SVIL: variants seen among roughly 807,000 people sequenced by gnomAD.
SVIL encodes archvillin.
Under a neutral mutation model 240.4 loss-of-function variants are expected in SVIL, and 101 were observed. That is an observed-to-expected ratio of 0.42 (90% CI 0.36 to 0.50). The LOEUF is 0.50. Ranked by LOEUF, SVIL falls within the 20% of genes least tolerant of loss-of-function variation. SVIL has a pLI of 0.01. For synonymous variants in SVIL, 999 were observed against 1,100.0 expected (o/e 0.91, Z 1.82); for missense variants, 2,512 against 2,818.7 (o/e 0.89, Z 2.46).
intron 1 of SVIL, among the ~76,000 whole-genome samples, chr10:29,721,847 A>C (rs1345817815): frequency 6.6e-6 from 1 of 152,224 alleles, no homozygotes; most frequent in Non-Finnish European, 1.5e-5. Context: ...TTTTATTTTG[A>C]CATCTTACTG....
chr10:29,458,137 C>T lies in SVIL; in HGVS notation c.*110G>A. On this transcript the variant is annotated 3_prime_UTR_variant, in exon 38 of 38. Transcript: ENST00000355867. ...TTAACAATGTCAGGTTCTGAAAACT[C>T]TGATTGAAAAATACTTTGTGAAAAA... 2 of 1,079,776 alleles carry T rather than the reference C, an allele frequency of 1.9e-6. No individual in the cohort carries two copies. Among genetic ancestry groups the T allele is most frequent in the Non-Finnish European group, 1.3e-6 (1 of 741,522 alleles). The allele number at this position is 1,079,776 out of a possible 1,614,324, so 66.9% of individuals were successfully genotyped here.
chr10:29,569,765 C>A (rs1010540309), intron 1 of SVIL, among the ~76,000 whole-genome samples: 15 of 152,260 alleles, frequency 9.9e-5, no homozygotes, highest in African/African-American at 3.1e-4. Context: ...GTCTGAAGAG[C>A]AAAGGACAAC....
chr10:29,463,507 GCA>G lies in SVIL; in HGVS notation c.6260_6261del (p.Val2087AlafsTer43). On this transcript the variant is annotated frameshift_variant, in exon 35 of 38. Transcript: ENST00000355867. LOFTEE classifies it high-confidence loss of function. ...GGAGCCTCACCTTTGCAGTACTGGAGCACAGTCTCCATCGCACTCTTCCGGTC... is the reference window on the plus strand; with the variant it reads ...GGAGCCTCACCTTTGCAGTACTGGAGCAGTCTCCATCGCACTCTTCCGGTC... Reference protein sequence around the residue: ...ASDRKSAMETVLQYCKGKNLK... With the variant: ...ASDRKSAMETXLQYCKGKNLK... 1.2e-6 allele frequency: 2 copies of G among 1,614,076 alleles called. No individual in the cohort carries two copies. The highest frequency in any genetic ancestry group is 1.7e-6 in the Non-Finnish European group (2 of 1,179,992).
At chr10:29,481,193 G>GT (rs201842986) in intron 28 of SVIL, among the ~76,000 whole-genome samples, 9,016 of 142,846 alleles carry the variant, frequency 0.063, 332 homozygotes, top group South Asian at 0.11. Flanking sequence ...TGTGTCCATG[G>GT]TTTTTTTTTT....
intron 1 of SVIL, among the ~76,000 whole-genome samples, chr10:29,592,771 A>T (rs532249747): frequency 6.6e-6 from 1 of 152,342 alleles, no homozygotes; most frequent in Non-Finnish European, 1.5e-5. Context: ...TGTGTGACTA[A>T]AATTACACTG....
At position 29,727,987 on chromosome 10, in the gene SVIL, C is replaced by T. The variant is rs185033961; in HGVS notation, c.-400+7764G>A. On this transcript the variant is annotated intron_variant, in intron 1 of 35. Transcript: ENST00000375400. ...AGCTTTGGGGGAAAAGTAAAGATTC[C>T]TTAATCAAGTCAATCTGTCAAGGAT... Among the ~76,000 whole-genome samples, 24 of 152,246 alleles carry T rather than the reference C, an allele frequency of 1.6e-4. 1 individual carries two copies. Among genetic ancestry groups the T allele is most frequent in the Middle Eastern group, 3.4e-3 (1 of 294 alleles).
chr10:29,689,458 G>A (rs138456750), intron 1 of SVIL, among the ~76,000 whole-genome samples: 38 of 152,282 alleles, frequency 2.5e-4, no homozygotes, highest in African/African-American at 9.1e-4. Flanking sequence ...CTAACTTTTT[G>A]TATTTTTAGT....
chr10:29,681,122 T>C (rs1960610057), intron 2 of SVIL, among the ~76,000 whole-genome samples: 1 of 151,960 alleles, frequency 6.6e-6, no homozygotes. Flanking sequence ...AGGGGTTGCA[T>C]TTGTAATTGG....
At chr10:29,662,408 C>A (rs1959170105) in intron 2 of SVIL, among the ~76,000 whole-genome samples, 1 of 152,122 alleles carries the variant, frequency 6.6e-6, no homozygotes, top group Admixed American at 6.5e-5. Context: ...ATAATAATAC[C>A]AATAAGCATA....
At position 29,533,363 on chromosome 10, in the gene SVIL, G is replaced by A. The variant is rs754274252; in HGVS notation, c.1004C>T (p.Ala335Val). Reference sequence around the variant, plus strand: ...CTGAAATGACACGTAATGGACTGGCGCTGGCTGGTGTCTCCTCTGAGTTAC... The same window carrying A: ...CTGAAATGACACGTAATGGACTGGCACTGGCTGGTGTCTCCTCTGAGTTAC... ...ESVTQRRHQPAPVHYVSFQSE... is the reference protein window; with the variant it reads ...ESVTQRRHQPVPVHYVSFQSE... The change falls in exon 8 of 38, where the codon GCG becomes GTG. Residue 335 changes from alanine to valine, a missense_variant. Physicochemically the swap from Ala to Val is moderately conservative, Grantham distance 64. Around this residue, in one of 3 missense-constraint regions of SVIL, gnomAD observed 1,443 missense variants for 1,486.6 expected, o/e 0.97. Transcript: ENST00000355867. 1.7e-5 allele frequency: 28 copies of A among 1,614,148 alleles called. 1 individual carries two copies. The highest frequency in any genetic ancestry group is 3.3e-4 in the Middle Eastern group (2 of 6,062).
At chr10:29,470,852 T>A (rs1165610818) in intron 31 of SVIL, among the ~76,000 whole-genome samples, 1 of 152,180 alleles carries the variant, frequency 6.6e-6, no homozygotes, top group Non-Finnish European at 1.5e-5. Flanking sequence ...TCATAATTTA[T>A]CATAGAAGAG....
At chr10:29,514,926 G>A (rs540477422) in intron 16 of SVIL, among the ~76,000 whole-genome samples, 2 of 152,246 alleles carry the variant, frequency 1.3e-5, no homozygotes, top group South Asian at 2.1e-4. Context: ...ACAAGAATCC[G>A]GCGACATCTA....
At chr10:29,645,271 G>GA (rs963165750) in intron 3 of SVIL, among the ~76,000 whole-genome samples, 2 of 151,904 alleles carry the variant, frequency 1.3e-5, no homozygotes, top group African/African-American at 4.8e-5. Flanking sequence ...CAATGAGGGG[G>GA]AAAAAAAGAA....
intron 17 of SVIL, among the ~76,000 whole-genome samples, chr10:29,511,285 C>A (rs1949815819): frequency 7.1e-6 from 1 of 141,718 alleles, no homozygotes; most frequent in South Asian, 2.2e-4. Flanking sequence ...TCTAAGGGGG[C>A]AGTGCACCCA....
At chr10:29,683,267 A>C (rs1960806008) in intron 2 of SVIL, among the ~76,000 whole-genome samples, 1 of 152,220 alleles carries the variant, frequency 6.6e-6, no homozygotes. Context: ...AGAATCAATA[A>C]GAAGGGATGT....
At chr10:29,652,298 T>C (rs1958864302) in intron 3 of SVIL, among the ~76,000 whole-genome samples, 2 of 151,950 alleles carry the variant, frequency 1.3e-5, no homozygotes, top group Non-Finnish European at 2.9e-5. Flanking sequence ...AAAGGAATTA[T>C]ACAGTTTGTG....
At chr10:29,609,209 GA>G (rs1239772503) in intron 1 of SVIL, among the ~76,000 whole-genome samples, 1 of 152,218 alleles carries the variant, frequency 6.6e-6, no homozygotes, top group African/African-American at 2.4e-5. Flanking sequence ...CTGAATGGCG[GA>G]AGTGAAAGGA....
At chr10:29,623,161 T>C (rs1440740455) in intron 1 of SVIL, among the ~76,000 whole-genome samples, 2 of 152,210 alleles carry the variant, frequency 1.3e-5, no homozygotes, top group South Asian at 2.1e-4. Context: ...TATCCAAGTA[T>C]GACAAATTAC....
At chr10:29,600,682 A>C (rs923340904) in intron 1 of SVIL, among the ~76,000 whole-genome samples, 1 of 152,218 alleles carries the variant, frequency 6.6e-6, no homozygotes, top group Non-Finnish European at 1.5e-5. Flanking sequence ...ACATTTTCTT[A>C]GTCCCAGAAC....
Sources: allele counts gnomAD v4.1 joint callset (sites outside exome capture counted in the v4.1 genomes callset), GRCh38; gene constraint gnomAD v4.1.1; regional missense constraint gnomAD v4.1.1; transcripts MANE v1.5; gene names NCBI Gene and HGNC (gene_info 2026-07-23, HGNC 2026-07-21).